CPLX4: variants seen among roughly 807,000 people sequenced by gnomAD.
CPLX4 encodes complexin 4.
Under a neutral mutation model 16.1 loss-of-function variants are expected in CPLX4, and 17 were observed. That is an observed-to-expected ratio of 1.06 (90% CI 0.72 to 1.59). The LOEUF is 1.59. Ranked by LOEUF, CPLX4 falls within the 40% of genes most tolerant of loss-of-function variation. The pLI is 0.00. For missense variants in CPLX4, 193 were observed against 192.9 expected, an observed-to-expected ratio of 1.00 and a Z score of 0.00; for synonymous variants, 55 against 57.8, an observed-to-expected ratio of 0.95 and a Z score of 0.22.
intron 2 of CPLX4, among the ~76,000 whole-genome samples, chr18:59,308,828 T>G (rs1203570078): frequency 6.6e-6 from 1 of 152,178 alleles, no homozygotes; most frequent in African/African-American, 2.4e-5. Context: ...TTTCGCCACA[T>G]GGGCCATCGA....
intron 2 of CPLX4, among the ~76,000 whole-genome samples, chr18:59,306,090 A>G (rs1183649908): frequency 2.0e-5 from 3 of 152,226 alleles, no homozygotes; most frequent in African/African-American, 7.2e-5. Context: ...AGCAGTGAGA[A>G]CTAGTCATTT....
chr18:59,318,237 G>A (rs1386062982), intron 1 of CPLX4, 59 bp downstream of exon 1: 1 of 1,518,070 alleles, frequency 6.6e-7, no homozygotes, highest in African/African-American at 1.4e-5. Flanking sequence ...AACTGAAGAA[G>A]GTATGGCCAG....
At chr18:59,308,077 C>T (rs2070589795) in intron 2 of CPLX4, among the ~76,000 whole-genome samples, 2 of 152,234 alleles carry the variant, frequency 1.3e-5, no homozygotes, top group Admixed American at 1.3e-4. Flanking sequence ...CGCGTCCGGC[C>T]TCTCTCTAAG....
In CPLX4 at chr18:59,312,728, G is replaced by A. The variant is rs780970323; in HGVS notation, c.212C>T (p.Ala71Val). 1 of 1,478,468 alleles carries A rather than the reference G, an allele frequency of 6.8e-7. No individual in the cohort carries two copies. Among genetic ancestry groups the A allele is most frequent in the South Asian group, 1.1e-5 (1 of 88,170 alleles). 91.6% of individuals were successfully genotyped at this position (1,478,468 alleles called of 1,614,324 possible). A position where few individuals can be genotyped will look rare whatever the true frequency, so the allele number is the denominator to read the frequency against. The change falls in exon 2 of 3, where the codon GCA (alanine) becomes GTA (valine). Residue 71 changes from alanine (A) to valine (V), a missense_variant. Ala to Val is a moderately conservative substitution (Grantham distance 64, BLOSUM62 0). Coordinates refer to ENST00000299721, the MANE Select transcript of CPLX4 (RefSeq NM_181654.4). ...AAFTQKKAER[A>V]CLRVHLREKY... ...TTCTCTGAGATGAACTCTGAGGCATGCCCTTTCTGCCTTTTTCTGTGTAAA... is the reference window on the plus strand; with the variant it reads ...TTCTCTGAGATGAACTCTGAGGCATACCCTTTCTGCCTTTTTCTGTGTAAA...
rs78013955 is a variant in CPLX4 at position 59,296,113 on chromosome 18, C to T, written c.*585G>A. ...TTCGTCATTGTTCACCACATCTGTG[C>T]TACCGCCACTTGGCTGAGAAGCATC... On this transcript the variant is annotated 3_prime_UTR_variant, in exon 3 of 3. Coordinates refer to ENST00000299721, the MANE Select transcript of CPLX4 (RefSeq NM_181654.4). The T allele has an allele frequency of 0.017, 2,628 of 155,684 alleles. 217 individuals are homozygous for T. In the East Asian group the frequency reaches 0.26, roughly 15 times the overall value. 9.6% of individuals were successfully genotyped at this position (155,684 alleles called of 1,614,324 possible). A position where few individuals can be genotyped will look rare whatever the true frequency, so the allele number is the denominator to read the frequency against.
At chr18:59,305,553 G>A (rs2070571091) in intron 2 of CPLX4, among the ~76,000 whole-genome samples, 1 of 152,150 alleles carries the variant, frequency 6.6e-6, no homozygotes. Context: ...GGTGACATCT[G>A]GTAGCCAGCC....
chr18:59,306,941 A>G (rs1023720562), intron 2 of CPLX4, among the ~76,000 whole-genome samples: 3 of 152,146 alleles, frequency 2.0e-5, no homozygotes, highest in African/African-American at 2.4e-5. Flanking sequence ...CTTACCCAAT[A>G]TGGGCTTTAG....
intron 2 of CPLX4, among the ~76,000 whole-genome samples, chr18:59,305,851 C>T (rs2849387): frequency 0.15 from 23,480 of 152,090 alleles, 3,787 homozygotes; most frequent in African/African-American, 0.41. Context: ...GGGGGCACCC[C>T]GGAATATCCC....
chr18:59,296,567 G>T lies in CPLX4; in HGVS notation c.*131C>A, dbSNP rs2070501930. 1.1e-6 allele frequency: 1 copy of T among 929,824 alleles called. No individual in the cohort carries two copies. The highest frequency in any genetic ancestry group is 1.6e-6 in the Non-Finnish European group (1 of 607,854). 57.6% of individuals were successfully genotyped at this position (929,824 alleles called of 1,614,324 possible). On this transcript the variant is annotated 3_prime_UTR_variant, in exon 3 of 3. Coordinates refer to ENST00000299721, the MANE Select transcript of CPLX4 (RefSeq NM_181654.4). ...GAATATTTAGAACAACCAAATTATT[G>T]TCTGTCAATGGATCATCGTGGTTTT...
At chr18:59,299,613 T>A (rs1304593946) in intron 2 of CPLX4, among the ~76,000 whole-genome samples, 2 of 152,170 alleles carry the variant, frequency 1.3e-5, no homozygotes, top group Non-Finnish European at 2.9e-5. Flanking sequence ...TTGAAGAAGC[T>A]TTGGGATGGT....
chr18:59,306,325 G>A (rs7230031), intron 2 of CPLX4, among the ~76,000 whole-genome samples: 1 of 152,114 alleles, frequency 6.6e-6, no homozygotes, highest in African/African-American at 2.4e-5. Context: ...GACAACTAGA[G>A]GAAATCGACA....
chr18:59,308,467 T>A (rs1289578669), intron 2 of CPLX4, among the ~76,000 whole-genome samples: 3 of 151,736 alleles, frequency 2.0e-5, no homozygotes, highest in Non-Finnish European at 4.4e-5. Flanking sequence ...AGTAAGGCTT[T>A]TTTTTTTTCC....
rs1376618154 is a variant in CPLX4, at chr18:59,296,883, C to T, written c.298G>A (p.Val100Met). The T allele has an allele frequency of 5.0e-6, 8 of 1,613,062 alleles. No homozygotes were observed. The highest frequency in any genetic ancestry group is 6.8e-6 in the Non-Finnish European group (8 of 1,179,868). Residue 100 changes from valine (V) to methionine (M), a missense_variant, in exon 3 of 3, where the codon GTG (valine) becomes ATG (methionine). Coordinates refer to ENST00000299721, the MANE Select transcript of CPLX4 (RefSeq NM_181654.4). ...ENQIQMAGDD[V>M]DLPEDLRKMV... ...TTCCGGAGATCTTCAGGTAAATCCACATCATCTCCAGCCATCTGGATTTGA... is the reference window on the plus strand; with the variant it reads ...TTCCGGAGATCTTCAGGTAAATCCATATCATCTCCAGCCATCTGGATTTGA...
chr18:59,312,456 C>A (rs1022633741), intron 2 of CPLX4, among the ~76,000 whole-genome samples: 2 of 138,462 alleles, frequency 1.4e-5, no homozygotes, highest in Middle Eastern at 3.5e-3. Flanking sequence ...ATATATATAT[C>A]TCCTGAATAT....
rs116978360 is a variant in CPLX4, at chr18:59,301,716, A to G, written c.256-4791T>C. 1.8e-4 allele frequency among the ~76,000 whole-genome samples: 28 copies of G among 152,360 alleles called. No individual in the cohort carries two copies. In the East Asian group the frequency reaches 5.4e-3, roughly 29 times the overall value. Reference sequence around the variant, plus strand: ...AAGTATCTCCTTTGTAAAAAGTTGCAGCCTATCCAAACCGTTTTCTGGTGG... The same window carrying G: ...AAGTATCTCCTTTGTAAAAAGTTGCGGCCTATCCAAACCGTTTTCTGGTGG... On this transcript the variant is annotated intron_variant, in intron 2 of 2. Coordinates refer to ENST00000299721, the MANE Select transcript of CPLX4 (RefSeq NM_181654.4).
chr18:59,302,415 G>A (rs952613961), intron 2 of CPLX4, among the ~76,000 whole-genome samples: 1 of 152,310 alleles, frequency 6.6e-6, no homozygotes, highest in African/African-American at 2.4e-5. Flanking sequence ...GATGAGAACC[G>A]TGGCGTGAAT....
intron 1 of CPLX4, among the ~76,000 whole-genome samples, chr18:59,313,689 T>C (rs960416250): frequency 1.3e-5 from 2 of 152,242 alleles, no homozygotes; most frequent in Non-Finnish European, 1.5e-5. Context: ...ACACTTGCAG[T>C]GTGGCTGTCA....
At position 59,303,707 on chromosome 18, in the gene CPLX4, G is replaced by A. The variant is rs551993307; in HGVS notation, c.256-6782C>T. ...CTCACAGGGCACTTGTGAAGATGAC[G>A]TGAGAAAGCTGGTGTGGCCAAGCAA... is the stretch of plus-strand genomic sequence containing the variant. On this transcript the variant is annotated intron_variant, in intron 2 of 2. Coordinates refer to ENST00000299721, the MANE Select transcript of CPLX4 (RefSeq NM_181654.4). 3.3e-5 allele frequency among the ~76,000 whole-genome samples: 5 copies of A among 152,334 alleles called. No homozygotes were observed. The South Asian group carries it at 1.0e-3, about 32-fold the overall frequency.
At chr18:59,310,800 C>T (rs1348437175) in intron 2 of CPLX4, among the ~76,000 whole-genome samples, 1 of 151,910 alleles carries the variant, frequency 6.6e-6, no homozygotes, top group Admixed American at 6.6e-5. Context: ...AATTAAGAGA[C>T]TCAGATATTT....
Sources: allele counts gnomAD v4.1 joint callset (sites outside exome capture counted in the v4.1 genomes callset), GRCh38; gene constraint gnomAD v4.1.1; transcripts MANE v1.5; gene names NCBI Gene and HGNC (gene_info 2026-07-23, HGNC 2026-07-21).